NIN: variants seen among roughly 807,000 people sequenced by gnomAD.
The protein encoded by NIN is ninein.
A neutral mutation model predicts 257.6 loss-of-function variants in NIN; 137 were observed. The ratio of observed to expected loss-of-function variants is 0.53; its 90% CI spans 0.46 to 0.61. The LOEUF is 0.61. Ranked by LOEUF, NIN falls within the 20% of genes least tolerant of loss-of-function variation. NIN has a pLI of 0.00. For synonymous variants in NIN, 918 were observed against 919.8 expected (o/e 1.00, Z 0.04); for missense variants, 2,439 against 2,501.2 (o/e 0.98, Z 0.53).
At chr14:50,785,473 G>T (rs1459472922) in intron 5 of NIN, among the ~76,000 whole-genome samples, 1 of 152,226 alleles carries the variant, frequency 6.6e-6, no homozygotes, top group Non-Finnish European at 1.5e-5. Flanking sequence ...TAGAGTTGTG[G>T]TTTTTTGTTT....
At chr14:50,788,748 C>T (rs1027794595) in intron 5 of NIN, among the ~76,000 whole-genome samples, 1 of 152,176 alleles carries the variant, frequency 6.6e-6, no homozygotes, top group East Asian at 1.9e-4. Flanking sequence ...CCCTTGGGGA[C>T]AGTTTTTATA....
At position 50,757,432 on chromosome 14, in the gene NIN, T is replaced by G; in HGVS notation, c.3598A>C (p.Ile1200Leu). 1 of 1,614,154 alleles carries G rather than the reference T, an allele frequency of 6.2e-7. No individual in the cohort carries two copies. Among genetic ancestry groups the G allele is most frequent in the Non-Finnish European group, 8.5e-7 (1 of 1,180,016 alleles). The part of the protein sequence containing the change: ...RTESWELKNQ[I>L]SQLQEQLMML... ...ATTAGCTGTTCCTGAAGCTGACTAA[T>G]CTGATTCTTCAGCTCCCAGGATTCA... The change falls in exon 18 of 31, where the codon ATT becomes CTT. Residue 1200 changes from isoleucine (I) to leucine (L), a missense_variant. This residue lies in a region of NIN where 2,043 missense variants were observed against 2,050.2 expected (regional missense o/e 1.00). Coordinates refer to ENST00000530997, the MANE Select transcript of NIN (RefSeq NM_020921.4).
rs767586375 is a variant in NIN at position 50,758,343 on chromosome 14, A to G, written c.2687T>C (p.Met896Thr). 6.8e-6 allele frequency: 11 copies of G among 1,614,104 alleles called. No homozygotes were observed. The highest frequency in any genetic ancestry group is 1.3e-5 in the African/African-American group (1 of 74,932). Residue 896 changes from methionine to threonine, a missense_variant, in exon 18 of 31, where the codon ATG (methionine) becomes ACG (threonine). Physicochemically the swap from Met to Thr is moderately conservative, Grantham distance 81 (BLOSUM62 -1). Transcript: ENST00000530997. ...ATGTTCTTTGTATGTTTTCTCCAGC[A>G]TCTCTCTCTCCTGGGTCAGGACCAG... Reference protein sequence around the residue: ...TSLVLTQEREMLEKTYKEHLN... With the variant: ...TSLVLTQERETLEKTYKEHLN...
intron 2 of NIN, chr14:50,823,318 C>G (rs1207815713): frequency 3.6e-6 from 2 of 558,606 alleles, no homozygotes; most frequent in South Asian, 2.9e-5. Context: ...CAACAAGGCT[C>G]TCAGAACCAG....
chr14:50,734,990 A>G (rs1043397510), intron 28 of NIN, among the ~76,000 whole-genome samples: 4 of 152,186 alleles, frequency 2.6e-5, no homozygotes, highest in Admixed American at 2.0e-4. Context: ...CCGGCCACAA[A>G]TACATTTTCA....
At chr14:50,804,051 A>G (rs1293741840) in intron 4 of NIN, among the ~76,000 whole-genome samples, 1 of 152,000 alleles carries the variant, frequency 6.6e-6, no homozygotes, top group Non-Finnish European at 1.5e-5. Flanking sequence ...GCCTGCCACC[A>G]CACCTGGCTA....
chr14:50,805,763 A>C (rs929674816), intron 4 of NIN, among the ~76,000 whole-genome samples: 2 of 152,156 alleles, frequency 1.3e-5, no homozygotes, highest in African/African-American at 4.8e-5. Flanking sequence ...CATAGAGTAA[A>C]TTTAATCCTT....
intron 3 of NIN, among the ~76,000 whole-genome samples, chr14:50,807,245 A>T (rs1053561471): frequency 6.6e-6 from 1 of 152,226 alleles, no homozygotes; most frequent in Non-Finnish European, 1.5e-5. Flanking sequence ...GAAGGGAGTA[A>T]GCTGTCTTTT....
chr14:50,733,781 G>GC (rs1386039071), intron 28 of NIN, among the ~76,000 whole-genome samples: 2 of 152,098 alleles, frequency 1.3e-5, no homozygotes, highest in African/African-American at 4.8e-5. Context: ...CATCAGAAAA[G>GC]CATGTCTACA....
rs2236316 is a variant in NIN, at chr14:50,757,699, G to C, written c.3331C>G (p.Pro1111Ala). Residue 1111 changes from proline (P) to alanine (A), a missense_variant, in exon 18 of 31, where the codon CCA (proline) becomes GCA (alanine). Coordinates refer to ENST00000530997, the MANE Select transcript of NIN (RefSeq NM_020921.4). ...GLVMSSCLDE[P>A]ATEFFGNTAE... ...GTATTTCCAAAAAACTCAGTAGCTG[G>C]CTCATCCAAACAAGAAGACATTACT... 0.24 allele frequency: 388,636 copies of C among 1,613,862 alleles called. 48,370 individuals are homozygous for C. The highest frequency in any genetic ancestry group is 0.25 in the South Asian group (23,126 of 91,072).
intron 2 of NIN, among the ~76,000 whole-genome samples, chr14:50,825,515 A>G (rs1392275479): frequency 6.6e-6 from 1 of 152,242 alleles, no homozygotes; most frequent in Non-Finnish European, 1.5e-5. Flanking sequence ...TAATCCTCCC[A>G]AATCTTAGAA....
At chr14:50,795,933 T>C (rs535030716) in intron 4 of NIN, among the ~76,000 whole-genome samples, 1 of 152,260 alleles carries the variant, frequency 6.6e-6, no homozygotes, top group South Asian at 2.1e-4. Flanking sequence ...GAGCCGAGAC[T>C]GCGCCACTGC....
chr14:50,778,917 C>T, intron 5 of NIN, 113 bp from the exon 6 acceptor site: 2 of 1,106,764 alleles, frequency 1.8e-6, no homozygotes, highest in Non-Finnish European at 2.7e-6. Context: ...CTAAGTGAGT[C>T]ACATAATTTC....
Position 50,777,142 on chromosome 14 carries a change from G to C in NIN, c.476-3C>G. The C allele has an allele frequency of 6.2e-7, 1 of 1,601,562 alleles. No individual in the cohort carries two copies. Among genetic ancestry groups the C allele is most frequent in the Non-Finnish European group, 8.5e-7 (1 of 1,174,122 alleles). ...TGGGTTCCAAAACCTTAACTGGCCT[G>C]AGAGAGAAGCATATGTTGCACGGTT... On this transcript the variant is annotated splice_region_variant and splice_polypyrimidine_tract_variant and intron_variant, in intron 6 of 30. Coordinates refer to ENST00000530997, the MANE Select transcript of NIN (RefSeq NM_020921.4).
chr14:50,743,661 G>A lies in NIN; in HGVS notation c.5188-132C>T, dbSNP rs1003734375. The A allele has an allele frequency of 7.0e-6, 4 of 573,194 alleles. No individual in the cohort carries two copies. In the African/African-American group the frequency reaches 7.5e-5, roughly 11 times the overall value. 35.5% of individuals were successfully genotyped at this position (573,194 alleles called of 1,614,324 possible). On this transcript the variant is annotated intron_variant, in intron 23 of 30. Transcript: ENST00000530997. Reference sequence around the variant, plus strand: ...TGTAGGGGAGCAGGGCAAGGTCAAAGGAAATGGTCTTCCTGGCTCCAAATC... The same window carrying A: ...TGTAGGGGAGCAGGGCAAGGTCAAAAGAAATGGTCTTCCTGGCTCCAAATC...
intron 28 of NIN, among the ~76,000 whole-genome samples, chr14:50,732,705 C>T (rs1297696367): frequency 2.0e-5 from 3 of 148,378 alleles, no homozygotes; most frequent in African/African-American, 7.6e-5. Context: ...ACCTCAATAA[C>T]ACTGTTTTTG....
intron 5 of NIN, among the ~76,000 whole-genome samples, chr14:50,782,085 G>A (rs565255923): frequency 6.6e-6 from 1 of 151,646 alleles, no homozygotes; most frequent in Non-Finnish European, 1.5e-5. Flanking sequence ...AAACCAAGAA[G>A]TCATTTTGTT....
At position 50,766,909 on chromosome 14, in the gene NIN, A is replaced by G. The variant is rs374331354; in HGVS notation, c.1435-19T>C. ...TGTTTTCCTGAACAAGTATGGGGAA[A>G]TTAAATGTGGTACAGATTAAGAAAT... On this transcript the variant is annotated intron_variant, in intron 12 of 30. Coordinates refer to ENST00000530997, the MANE Select transcript of NIN (RefSeq NM_020921.4). 44 of 1,532,842 alleles carry G rather than the reference A, an allele frequency of 2.9e-5. No homozygotes were observed. In the East Asian group the frequency reaches 4.3e-4, roughly 15 times the overall value. The allele number at this position is 1,532,842 out of a possible 1,614,324, so 95.0% of individuals were successfully genotyped here.
intron 2 of NIN, 125 bp downstream of exon 2, chr14:50,830,336 GCCT>G (rs1156654301): frequency 1.2e-5 from 2 of 161,502 alleles, no homozygotes; most frequent in African/African-American, 4.8e-5. Flanking sequence ...GGACAAGCGC[GCCT>G]CCCAAGTCCC....
Sources: gnomAD v4.1 joint callset for allele counts (sites outside exome capture counted in the v4.1 genomes callset) on GRCh38, gnomAD v4.1.1 for gene constraint, gnomAD v4.1.1 regional missense constraint, MANE v1.5 for transcripts, NCBI Gene and HGNC (gene_info 2026-07-23, HGNC 2026-07-21) for gene names.